The following CCDC120 variants were observed in gnomAD, a reference collection of about 807,000 sequenced individuals.
The protein encoded by CCDC120 is coiled-coil domain containing 120.
Under a neutral mutation model 37.6 loss-of-function variants are expected in CCDC120, and 16 were observed. That is an observed-to-expected ratio of 0.43 (90% CI 0.29 to 0.65). The LOEUF (loss-of-function observed/expected upper bound fraction) is 0.65. Ranked by LOEUF, CCDC120 falls within the 30% of genes least tolerant of loss-of-function variation. CCDC120 has a pLI of 0.18. For synonymous variants in CCDC120, 309 were observed against 275.4 expected (o/e 1.12, Z -1.21); for missense variants, 650 against 657.4 (o/e 0.99, Z 0.12).
At chrX:49,064,308 T>G (rs2064924601) in intron 5 of CCDC120, 62 bp from the exon 6 acceptor site, 1 of 1,082,018 alleles carries the variant, frequency 9.2e-7, no homozygotes, top group African/African-American at 1.9e-5. Context: ...CAGCCTCTAC[T>G]GGGTTTGGCC....
chrX:49,067,387 G>A lies in CCDC120; in HGVS notation c.1273G>A (p.Val425Ile). Residue 425 changes from valine to isoleucine, a missense_variant, in exon 10 of 11, where the codon GTC (valine) becomes ATC (isoleucine). By Grantham distance (29) the Val-to-Ile change is conservative (BLOSUM62 3). Transcript: ENST00000603986. Reference protein sequence around the residue: ...PLAPSASGPPVCKSSEVLYER... With the variant: ...PLAPSASGPPICKSSEVLYER... ...GGCTCCCTCTGCCTCTGGCCCCCCA[G>A]TCTGCAAGAGCAGTGAGGTGCTGTA... 8.4e-7 allele frequency: 1 copy of A among 1,196,608 alleles called. No individual in the cohort carries two copies.
intron 8 of CCDC120, 33 bp downstream of exon 8, chrX:49,065,661 G>A (rs2064944738): frequency 8.3e-7 from 1 of 1,204,928 alleles, no homozygotes; most frequent in Non-Finnish European, 1.1e-6. Flanking sequence ...CTCCGCAGGA[G>A]CTGGGAATGG....
rs1167005875 is a variant in CCDC120, at chrX:49,064,482, G to A, written c.542G>A (p.Arg181Gln). 37 of 1,180,628 alleles carry A rather than the reference G, an allele frequency of 3.1e-5. No individual in the cohort carries two copies. Among genetic ancestry groups the A allele is most frequent in the Non-Finnish European group, 4.0e-5 (35 of 880,954 alleles). The change falls in exon 6 of 11, where the codon CGG becomes CAG. Residue 181 changes from arginine to glutamine, a missense_variant. Arg to Gln is a conservative substitution (Grantham distance 43, BLOSUM62 1). Around this residue, in one of 3 missense-constraint regions of CCDC120, gnomAD observed 576 missense variants for 565.3 expected, o/e 1.02. Coordinates refer to ENST00000603986, the MANE Select transcript of CCDC120 (RefSeq NM_001163321.4). ...CTGAGCACCGAGCAGCGCCGGCGCC[G>A]GCGCCAGGTCCAGGCAGATGCACTG... Reference protein sequence around the residue: ...PDLSTEQRRRRRQVQADALRR... With the variant: ...PDLSTEQRRRQRQVQADALRR...
At chrX:49,065,313 A>T in intron 7 of CCDC120, 141 bp from the exon 8 acceptor site, 1 of 752,218 alleles carries the variant, frequency 1.3e-6, no homozygotes, top group Non-Finnish European at 1.9e-6. Context: ...CCCAGAACCT[A>T]CTTGTCAGCC....
Position 49,067,522 on chromosome X carries a change from C to G in CCDC120, c.1408C>G (p.Arg470Gly), listed in dbSNP as rs781787357. Residue 470 changes from arginine (R) to glycine (G), a missense_variant, in exon 10 of 11, where the codon CGG becomes GGG. Physicochemically the swap from Arg to Gly is moderately radical, Grantham distance 125. Around this residue, in one of 3 missense-constraint regions of CCDC120, gnomAD observed 576 missense variants for 565.3 expected, o/e 1.02. Coordinates refer to ENST00000603986, the MANE Select transcript of CCDC120 (RefSeq NM_001163321.4). ...SAAPASRGAP[R>G]LPPVCGDFLL... ...TGCCCCTGCCTCCCGAGGTGCCCCCCGGCTCCCACCTGTGTGTGGAGACTT... is the reference window on the plus strand; with the variant it reads ...TGCCCCTGCCTCCCGAGGTGCCCCCGGGCTCCCACCTGTGTGTGGAGACTT... 8.6e-7 allele frequency: 1 copy of G among 1,164,595 alleles called. No individual in the cohort carries two copies. The highest frequency in any genetic ancestry group is 1.1e-6 in the Non-Finnish European group (1 of 870,028).
chrX:49,065,754 C>G lies in CCDC120; in HGVS notation c.970C>G (p.Arg324Gly). The change falls in exon 9 of 11, where the codon CGC becomes GGC. Residue 324 changes from arginine to glycine, a missense_variant. Around this residue, in one of 3 missense-constraint regions of CCDC120, gnomAD observed 576 missense variants for 565.3 expected, o/e 1.02. Coordinates refer to ENST00000603986, the MANE Select transcript of CCDC120 (RefSeq NM_001163321.4). ...NSVASPTSPT[R>G]SLPRSASSFE... Reference sequence around the variant, plus strand: ...CTGCCTGTCTCTGTCTAGCCCCACACGCTCGCTGCCCAGGAGTGCCTCCAG... The same window carrying G: ...CTGCCTGTCTCTGTCTAGCCCCACAGGCTCGCTGCCCAGGAGTGCCTCCAG... 1 of 1,174,658 alleles carries G rather than the reference C, an allele frequency of 8.5e-7. No individual in the cohort carries two copies. The highest frequency in any genetic ancestry group is 1.1e-6 in the Non-Finnish European group (1 of 876,582).
upstream of CCDC120, chrX:49,058,926 G>A (rs2064850520): frequency 8.9e-6 from 1 of 112,600 alleles, no homozygotes; most frequent in Non-Finnish European, 1.9e-5. Context: ...AGGGTTAAAA[G>A]GTGTGGGCCG....
chrX:49,062,021 C>G lies in CCDC120; in HGVS notation c.-21C>G, dbSNP rs1557079549. 8.7e-7 allele frequency: 1 copy of G among 1,155,963 alleles called. No homozygotes were observed. The highest frequency in any genetic ancestry group is 1.1e-6 in the Non-Finnish European group (1 of 872,646). Reference sequence around the variant, plus strand: ...GGCGTTGTAAGTCCGCCCAGCTCCCCACTTGCTGTGCTCTCACTCAATGCG... The same window carrying G: ...GGCGTTGTAAGTCCGCCCAGCTCCCGACTTGCTGTGCTCTCACTCAATGCG... On this transcript the variant is annotated 5_prime_UTR_variant, in exon 2 of 11. Coordinates refer to ENST00000603986, the MANE Select transcript of CCDC120 (RefSeq NM_001163321.4).
chrX:49,068,131 G>C (rs907707119), intron 10 of CCDC120, 41 bp downstream of exon 10: 1 of 1,144,050 alleles, frequency 8.7e-7, no homozygotes, highest in South Asian at 2.0e-5. Context: ...GGTCTCGTAA[G>C]GCAGATGGCG....
Position 49,065,177 on chromosome X carries a change from C to T in CCDC120, c.787+79C>T. On this transcript the variant is annotated intron_variant, in intron 7 of 10. Coordinates refer to ENST00000603986, the MANE Select transcript of CCDC120 (RefSeq NM_001163321.4). ...ATCCCCTTTATTCATCCGACCACAT[C>T]CTGCATGATCAGCCCATCCTTTGAT... The T allele has an allele frequency of 1.2e-5, 12 of 991,505 alleles. No homozygotes were observed. The South Asian group carries it at 2.4e-4, about 20-fold the overall frequency. The allele number at this position is 991,505 out of a possible 1,213,427, so 81.7% of individuals were successfully genotyped here. A position where few individuals can be genotyped will look rare whatever the true frequency, so the allele number is the denominator to read the frequency against.
upstream of CCDC120, among the ~76,000 whole-genome samples, chrX:49,054,284 G>C (rs1375947749): frequency 6.3e-5 from 7 of 111,191 alleles, no homozygotes; most frequent in African/African-American, 2.3e-4. Context: ...CGCTTGACCT[G>C]TCTGTTCCCT....
chrX:49,068,042 C>T lies in CCDC120; in HGVS notation c.1928C>T (p.Ala643Val), dbSNP rs782351086. 3 of 1,166,746 alleles carry T rather than the reference C, an allele frequency of 2.6e-6. No homozygotes were observed. Among genetic ancestry groups the T allele is most frequent in the South Asian group, 3.8e-5 (2 of 52,671 alleles). Residue 643 changes from alanine to valine, a missense_variant, in exon 10 of 11, where the codon GCG (alanine) becomes GTG (valine). Transcript: ENST00000603986. ...GQALYGAPSQ[A>V]PLPHSRSFTA... ...GCGCTGTACGGGGCCCCCAGCCAGGCGCCACTCCCACACTCGAGGAGTTTC... is the reference window on the plus strand; with the variant it reads ...GCGCTGTACGGGGCCCCCAGCCAGGTGCCACTCCCACACTCGAGGAGTTTC...
rs2064891071 is a variant in CCDC120 at position 49,062,011 on chromosome X, C to T, written c.-31C>T. 8.7e-7 allele frequency: 1 copy of T among 1,155,137 alleles called. No individual in the cohort carries two copies. Among genetic ancestry groups the T allele is most frequent in the African/African-American group, 1.8e-5 (1 of 56,315 alleles). On this transcript the variant is annotated 5_prime_UTR_variant, in exon 2 of 11. Transcript: ENST00000603986. ...CCTCTGAGGAGGCGTTGTAAGTCCG[C>T]CCAGCTCCCCACTTGCTGTGCTCTC...
At chrX:49,059,891 G>A (rs782205381) in intron 1 of CCDC120, among the ~76,000 whole-genome samples, 2 of 111,696 alleles carry the variant, frequency 1.8e-5, no homozygotes, top group South Asian at 3.7e-4. Flanking sequence ...TCCCTTTCTC[G>A]CCATCTGGGC....
At chrX:49,059,419 G>A in intron 1 of CCDC120, 1 of 691,336 alleles carries the variant, frequency 1.4e-6, no homozygotes, top group Non-Finnish European at 1.7e-6. Context: ...CTCCCCGCCA[G>A]GAGTAGCCTC....
At position 49,065,743 on chromosome X, in the gene CCDC120, C is replaced by G; in HGVS notation, c.963-4C>G. ...CTAACCTAGGCCTGCCTGTCTCTGT[C>G]TAGCCCCACACGCTCGCTGCCCAGG... On this transcript the variant is annotated splice_polypyrimidine_tract_variant and splice_region_variant and intron_variant, in intron 8 of 10. Transcript: ENST00000603986. The G allele has an allele frequency of 8.5e-7, 1 of 1,176,847 alleles. No individual in the cohort carries two copies. The highest frequency in any genetic ancestry group is 1.9e-5 in the South Asian group (1 of 53,334).
chrX:49,056,496 A>G (rs781819347), upstream of CCDC120, among the ~76,000 whole-genome samples: 1 of 109,134 alleles, frequency 9.2e-6, no homozygotes, highest in African/African-American at 3.3e-5. Flanking sequence ...GTGTGGTGGC[A>G]CGCACCTGTA....
chrX:49,053,628 C>G (rs2064812804), exon 1 of CCDC120: 1 of 113,244 alleles, frequency 8.8e-6, no homozygotes, highest in South Asian at 3.5e-4. Flanking sequence ...GCGGACAGAC[C>G]CGAGTTAGAG....
chrX:49,055,779 C>G (rs1433691650), upstream of CCDC120, among the ~76,000 whole-genome samples: 2 of 111,844 alleles, frequency 1.8e-5, no homozygotes, highest in Non-Finnish European at 3.8e-5. Context: ...TCCTGAAAAT[C>G]TATCCAAACC....
Sources: allele counts gnomAD v4.1 joint callset (sites outside exome capture counted in the v4.1 genomes callset), GRCh38; gene constraint gnomAD v4.1.1; regional missense constraint gnomAD v4.1.1; transcripts MANE v1.5; gene names NCBI Gene and HGNC (gene_info 2026-07-23, HGNC 2026-07-21).